APTX: variants seen among roughly 807,000 people sequenced by gnomAD.
APTX encodes forkhead-associated domain histidine triad-like protein.
A neutral mutation model predicts 42.3 loss-of-function variants in APTX; 33 were observed. That is an observed-to-expected ratio of 0.78 (90% CI 0.59 to 1.04). The LOEUF (loss-of-function observed/expected upper bound fraction) is 1.04. Ranked by LOEUF, APTX falls within the 50% of genes least tolerant of loss-of-function variation. The probability of loss-of-function intolerance (pLI) is 0.00; values close to 1 mark genes in which losing one functional copy is unlikely to be tolerated. For synonymous variants in APTX, 130 were observed against 146.7 expected, an observed-to-expected ratio of 0.89 and a Z score of 0.82; for missense variants, 421 against 415.1, an observed-to-expected ratio of 1.01 and a Z score of -0.12.
At chr9:33,013,889 G>C (rs916135785) in intron 1 of APTX, among the ~76,000 whole-genome samples, 1 of 152,184 alleles carries the variant, frequency 6.6e-6, no homozygotes, top group Non-Finnish European at 1.5e-5. Context: ...AGAAATGACA[G>C]GTGGGGGCAA....
intron 1 of APTX, among the ~76,000 whole-genome samples, chr9:32,990,728 A>C (rs1833408370): frequency 6.6e-6 from 1 of 152,186 alleles, no homozygotes; most frequent in Non-Finnish European, 1.5e-5. Flanking sequence ...AAGGGATATT[A>C]ATGTGCGGTT....
chr9:32,982,894 A>G (rs543138793), intron 6 of APTX, among the ~76,000 whole-genome samples: 1 of 152,276 alleles, frequency 6.6e-6, no homozygotes, highest in South Asian at 2.1e-4. Context: ...GAGGTACAAC[A>G]TACATCCACC....
Position 33,001,408 on chromosome 9 carries a change from G to A in APTX, c.-5+159C>T, listed in dbSNP as rs964182000. 5 of 1,536,072 alleles carry A rather than the reference G, an allele frequency of 3.3e-6. No homozygotes were observed. In the African/African-American group the frequency reaches 5.5e-5, roughly 17 times the overall value. ...CGAGCGCCCGCTGAAACAGCCCAAGGTAGTAACAGGGGAGGACGGAGAAAG... is the reference window on the plus strand; with the variant it reads ...CGAGCGCCCGCTGAAACAGCCCAAGATAGTAACAGGGGAGGACGGAGAAAG... On this transcript the variant is annotated intron_variant, in intron 1 of 7. Transcript: ENST00000379817.
In APTX at chr9:32,991,701, C is replaced by T. The variant is rs137989406; in HGVS notation, c.-4-1806G>A. Among the ~76,000 whole-genome samples, 21 of 151,596 alleles carry T rather than the reference C, an allele frequency of 1.4e-4. 2 individuals carry two copies. Among genetic ancestry groups the T allele is most frequent in the African/African-American group, 4.8e-4 (20 of 41,312 alleles). On this transcript the variant is annotated intron_variant, in intron 1 of 7. Coordinates refer to ENST00000379817, the MANE Select transcript of APTX (RefSeq NM_001195248.2). ...CTGAGGCAGGAAAATTGCTTGAACC[C>T]AGGAGGCGGAGGTTGCAGTGAGCAG...
chr9:32,990,900 A>G (rs1833458782), intron 1 of APTX, among the ~76,000 whole-genome samples: 1 of 152,174 alleles, frequency 6.6e-6, no homozygotes, highest in African/African-American at 2.4e-5. Flanking sequence ...AGACAGTCAT[A>G]ATAAATATGC....
rs533928154 is a variant in APTX at position 33,023,359 on chromosome 9, G to A, written c.-5+1664C>T. 8.4e-4 allele frequency among the ~76,000 whole-genome samples: 128 copies of A among 152,160 alleles called. 1 individual carries two copies. Among genetic ancestry groups the A allele is most frequent in the Non-Finnish European group, 1.6e-3 (107 of 68,004 alleles). On this transcript the variant is annotated intron_variant, in intron 1 of 6. Coordinates refer to the APTX transcript ENST00000436040. Reference sequence around the variant, plus strand: ...CTGCCACAGCCTCCTGAGAAGGTGGGACTACAGGCACGTGCCACCATACCT... The same window carrying A: ...CTGCCACAGCCTCCTGAGAAGGTGGAACTACAGGCACGTGCCACCATACCT...
intron 6 of APTX, among the ~76,000 whole-genome samples, chr9:32,981,335 T>G (rs1830632195): frequency 6.6e-6 from 1 of 152,020 alleles, no homozygotes; most frequent in East Asian, 1.9e-4. Context: ...AAACTTAGAG[T>G]TGGAATGGTG....
At chr9:33,004,941 C>T (rs1489727239), upstream of APTX, among the ~76,000 whole-genome samples, 1 of 151,744 alleles carries the variant, frequency 6.6e-6, no homozygotes, top group Non-Finnish European at 1.5e-5. Flanking sequence ...CGCCCGGCCG[C>T]TTGTTACTTT....
At chr9:32,991,413 GGA>G (rs1207274468) in intron 1 of APTX, among the ~76,000 whole-genome samples, 2 of 152,302 alleles carry the variant, frequency 1.3e-5, no homozygotes, top group Admixed American at 1.3e-4. Context: ...CAAAGGGGAT[GGA>G]GAGCAAGAAG....
At chr9:32,981,203 TG>T (rs1563955433) in intron 6 of APTX, among the ~76,000 whole-genome samples, 1 of 152,236 alleles carries the variant, frequency 6.6e-6, no homozygotes, top group East Asian at 1.9e-4. Context: ...TTAGGAATCC[TG>T]TAACTATTTT....
chr9:33,006,115 G>A (rs1454518781), upstream of APTX, among the ~76,000 whole-genome samples: 1 of 151,526 alleles, frequency 6.6e-6, no homozygotes, highest in Non-Finnish European at 1.5e-5. Flanking sequence ...TTAGAAATGA[G>A]ATCTCACATG....
intron 6 of APTX, chr9:32,979,499 T>A (rs1031102716): frequency 1.3e-5 from 2 of 153,576 alleles, no homozygotes; most frequent in African/African-American, 4.8e-5. Flanking sequence ...AGTGCTGCAA[T>A]GAACATACAA....
At position 33,001,603 on chromosome 9, in the gene APTX, A is replaced by G. The variant is rs1836553187; in HGVS notation, c.-41T>C. On this transcript the variant is annotated 5_prime_UTR_variant, in exon 1 of 8. An upstream start codon of the reference 5' UTR is lost. Coordinates refer to ENST00000379817, the MANE Select transcript of APTX (RefSeq NM_001195248.2). ...GGAGACGGACAAATTCACGTTACTC[A>G]TCTGTGCCTCACCGCTTCCGGCGCT... 6.2e-7 allele frequency: 1 copy of G among 1,613,864 alleles called. No homozygotes were observed. The highest frequency in any genetic ancestry group is 1.1e-5 in the South Asian group (1 of 91,062).
intron 1 of APTX, among the ~76,000 whole-genome samples, chr9:33,022,160 G>A (rs1449889243): frequency 6.6e-6 from 1 of 151,920 alleles, no homozygotes; most frequent in Non-Finnish European, 1.5e-5. Context: ...TAGATACTAA[G>A]TAAAAAGCGA....
chr9:32,974,891 C>CA lies in APTX; in HGVS notation c.771-331dup, dbSNP rs113746058. Among the ~76,000 whole-genome samples, 507 of 150,984 alleles carry CA rather than the reference C, an allele frequency of 3.4e-3. 6 individuals are homozygous for CA. Among genetic ancestry groups the CA allele is most frequent in the African/African-American group, 0.012 (480 of 41,182 alleles). ...ATAAATAAGCAAACAAATAAACAAA[C>CA]AAAAAAAAACTTAAAGAATTAACAT... On this transcript the variant is annotated intron_variant, in intron 6 of 7. Transcript: ENST00000379817.
In APTX at chr9:32,987,600, T is replaced by G. The variant is rs1832498319; in HGVS notation, c.427A>C (p.Asn143His). The G allele has an allele frequency of 6.2e-7, 1 of 1,614,208 alleles. No homozygotes were observed. Among genetic ancestry groups the G allele is most frequent in the Admixed American group, 1.7e-5 (1 of 60,026 alleles). The change falls in exon 4 of 8, where the codon AAC becomes CAC. Residue 143 changes from asparagine to histidine, a missense_variant. Physicochemically the swap from Asn to His is moderately conservative, Grantham distance 68. Transcript: ENST00000379817. ...EAGTGLEPGS[N>H]SGQCSVPLKK... The stretch of plus-strand genomic sequence containing the variant: ...AGGGGCACAGAGCATTGGCCAGAGT[T>G]GCTCCCAGGTTCCAGCCCTGTCCCA...
Position 33,025,008 on chromosome 9 carries a change from T to C in APTX, c.-5+15A>G, listed in dbSNP as rs190302746. On this transcript the variant is annotated intron_variant, in intron 1 of 6. Coordinates refer to the APTX transcript ENST00000436040. ...GGAACCCTAGGACTTGCAGTGCTCC[T>C]GGGCCATGCCCCACCAGCCGGAGAC... The C allele has an allele frequency of 9.8e-5, 15 of 152,518 alleles. No homozygotes were observed. The East Asian group carries it at 1.7e-3, about 18-fold the overall frequency. The allele number at this position is 152,518 out of a possible 1,614,324, so 9.4% of individuals were successfully genotyped here.
chr9:33,002,959 T>A (rs1488029937), upstream of APTX, among the ~76,000 whole-genome samples: 3 of 152,160 alleles, frequency 2.0e-5, no homozygotes, highest in African/African-American at 7.2e-5. Flanking sequence ...CAGGTTTATA[T>A]TAGGGTCATA....
intron 4 of APTX, among the ~76,000 whole-genome samples, chr9:32,986,743 T>C (rs1252622377): frequency 6.6e-6 from 1 of 150,528 alleles, no homozygotes; most frequent in Non-Finnish European, 1.5e-5. Context: ...TCAGGTGATC[T>C]GCCCATCTCG....
Sources: gnomAD v4.1 joint callset for allele counts (sites outside exome capture counted in the v4.1 genomes callset) on GRCh38, gnomAD v4.1.1 for gene constraint, MANE v1.5 for transcripts, NCBI Gene and HGNC (gene_info 2026-07-23, HGNC 2026-07-21) for gene names.